Variants in L3MBTL4 observed in about 807,000 individuals in gnomAD.
L3MBTL4 encodes the protein L3MBTL histone methyl-lysine binding protein 4.
L3MBTL4 carries 70 observed loss-of-function variants against 84.5 expected under a neutral mutation model. That is an observed-to-expected ratio of 0.83 (90% CI 0.68 to 1.01). L3MBTL4 has a LOEUF of 1.01. L3MBTL4 is among the 50% of genes least tolerant of loss of function. The pLI, the probability that L3MBTL4 is intolerant of heterozygous loss-of-function variation, is 0.00. For missense variants in L3MBTL4, 715 were observed against 754.8 expected (o/e 0.95, Z 0.62); for synonymous variants, 274 against 259.8 (o/e 1.05, Z -0.52).
chr18:6,129,364 C>CTGTGTGTG (rs2059801473), intron 14 of L3MBTL4, among the ~76,000 whole-genome samples: 2 of 139,158 alleles, frequency 1.4e-5, no homozygotes, highest in Non-Finnish European at 3.1e-5. Flanking sequence ...TACTGGAATT[C>CTGTGTGTG]TCTCTGTGTG....
At chr18:6,132,032 G>T (rs1324280060) in intron 14 of L3MBTL4, among the ~76,000 whole-genome samples, 5 of 151,928 alleles carry the variant, frequency 3.3e-5, no homozygotes, top group Non-Finnish European at 7.4e-5. Flanking sequence ...GCATTTCCTA[G>T]AGCTAACCTA....
intron 1 of L3MBTL4, among the ~76,000 whole-genome samples, chr18:6,318,246 C>T (rs2051210694): frequency 1.3e-5 from 2 of 151,522 alleles, no homozygotes; most frequent in African/African-American, 2.4e-5. Context: ...TGGAACAGTA[C>T]CTCACATCTC....
chr18:6,257,640 TTTTTC>T (rs1457587571), intron 5 of L3MBTL4, among the ~76,000 whole-genome samples: 29 of 149,266 alleles, frequency 1.9e-4, no homozygotes, highest in African/African-American at 6.8e-4. Context: ...TTTCTTTTTC[TTTTTC>T]TTTTTTTTTT....
At chr18:6,393,423 C>T (rs1466794144) in intron 1 of L3MBTL4, among the ~76,000 whole-genome samples, 1 of 152,184 alleles carries the variant, frequency 6.6e-6, no homozygotes, top group Non-Finnish European at 1.5e-5. Context: ...CAGGAATAAG[C>T]TTGAAATGAA....
chr18:6,161,222 T>C (rs895292415), intron 13 of L3MBTL4, among the ~76,000 whole-genome samples: 2 of 152,316 alleles, frequency 1.3e-5, no homozygotes, highest in Admixed American at 6.5e-5. Context: ...TCCTCATGGA[T>C]GAGAAAAGGA....
At chr18:6,297,000 G>A (rs1316376864) in intron 4 of L3MBTL4, among the ~76,000 whole-genome samples, 1 of 152,090 alleles carries the variant, frequency 6.6e-6, no homozygotes, top group South Asian at 2.1e-4. Flanking sequence ...AAGTGAGTTC[G>A]GTTTTAATGT....
intron 12 of L3MBTL4, among the ~76,000 whole-genome samples, chr18:6,185,999 T>TTTATTTTATTTTATTATA (rs1216629091): frequency 7.8e-6 from 1 of 128,500 alleles, no homozygotes; most frequent in African/African-American, 4.0e-5. Context: ...ATTTTATTAT[T>TTTATTTTATTTTATTATA]TTATATTTTA....
At chr18:6,075,488 G>C (rs2057826920) in intron 16 of L3MBTL4, among the ~76,000 whole-genome samples, 1 of 152,070 alleles carries the variant, frequency 6.6e-6, no homozygotes, top group Admixed American at 6.5e-5. Flanking sequence ...CAAAGAAAAA[G>C]TAAATCTTCG....
intron 16 of L3MBTL4, among the ~76,000 whole-genome samples, chr18:6,078,094 T>A: frequency 7.2e-6 from 1 of 139,480 alleles, no homozygotes; most frequent in South Asian, 2.3e-4. Context: ...AGGCACTCAT[T>A]CAAATCTATG....
Position 6,072,881 on chromosome 18 carries a change from AATATATATATATAT to A in L3MBTL4, c.1444+7986_1444+7999del, listed in dbSNP as rs71163258. On this transcript the variant is annotated intron_variant, in intron 16 of 18. Transcript: ENST00000317931. ...ACTCCGTCTCAAAAAAAAAAAAAAA[AATATATATATATAT>A]ATATATATATATATATATATATATA... 7.0e-3 allele frequency among the ~76,000 whole-genome samples: 143 copies of A among 20,410 alleles called. 14 individuals carry two copies. Among genetic ancestry groups the A allele is most frequent in the East Asian group, 0.014 (10 of 692 alleles). The allele number at this position is 20,410 out of a possible 152,430, so 13.4% of individuals were successfully genotyped here. A position where few individuals can be genotyped will look rare whatever the true frequency, so the allele number is the denominator to read the frequency against.
At chr18:6,280,523 T>C (rs1599463127) in intron 4 of L3MBTL4, among the ~76,000 whole-genome samples, 1 of 152,208 alleles carries the variant, frequency 6.6e-6, no homozygotes, top group South Asian at 2.1e-4. Flanking sequence ...GTAATTCCCA[T>C]TTCCTTCAAG....
intron 6 of L3MBTL4, 43 bp downstream of exon 6, chr18:6,244,441 T>C (rs1181121159): frequency 2.5e-6 from 3 of 1,200,534 alleles, no homozygotes; most frequent in Non-Finnish European, 2.4e-6. Flanking sequence ...ATTATCTTTC[T>C]GTCACTAGGC....
chr18:6,025,306 C>T (rs985304802), intron 16 of L3MBTL4: 2 of 152,230 alleles, frequency 1.3e-5, no homozygotes, highest in African/African-American at 4.8e-5. Context: ...TCACCTCTGC[C>T]TCTCCTTTGA....
At chr18:6,037,567 C>A (rs1269805773) in intron 16 of L3MBTL4, among the ~76,000 whole-genome samples, 1 of 152,228 alleles carries the variant, frequency 6.6e-6, no homozygotes, top group Non-Finnish European at 1.5e-5. Flanking sequence ...GAAATTTGTG[C>A]AGGGCACTTC....
At chr18:6,126,638 A>G (rs564121588) in intron 14 of L3MBTL4, among the ~76,000 whole-genome samples, 75 of 71,980 alleles carry the variant, frequency 1.0e-3, no homozygotes, top group African/African-American at 4.6e-3. Flanking sequence ...AGAATTTAGA[A>G]AAAAAAATCA....
In L3MBTL4 at chr18:6,410,499, A is replaced by T. The variant is rs148433679; in HGVS notation, c.-91+4302T>A. On this transcript the variant is annotated intron_variant, in intron 1 of 18. Transcript: ENST00000317931. The stretch of plus-strand genomic sequence containing the variant: ...ATGCCTCACCCCTAAGTTCCTTAAT[A>T]CACTCAAAAAAAAAATAAAGGACTG... Among the ~76,000 whole-genome samples the T allele has an allele frequency of 4.9e-3, 739 of 150,564 alleles. 9 individuals are homozygous for T. The highest frequency in any genetic ancestry group is 0.016 in the African/African-American group (658 of 39,928).
At chr18:6,206,741 G>A (rs983587272) in intron 12 of L3MBTL4, among the ~76,000 whole-genome samples, 1 of 151,978 alleles carries the variant, frequency 6.6e-6, no homozygotes, top group African/African-American at 2.4e-5. Context: ...ACTGATAGGA[G>A]AAAAAAATAT....
At chr18:6,070,981 A>T (rs2057571954) in intron 16 of L3MBTL4, among the ~76,000 whole-genome samples, 1 of 152,216 alleles carries the variant, frequency 6.6e-6, no homozygotes, top group South Asian at 2.1e-4. Flanking sequence ...AAATAAATAA[A>T]CAACAAGCTA....
At chr18:5,996,883 C>T (rs567952310) in intron 16 of L3MBTL4, among the ~76,000 whole-genome samples, 1 of 152,126 alleles carries the variant, frequency 6.6e-6, no homozygotes, top group East Asian at 1.9e-4. Context: ...CTAAAACCAC[C>T]AATATCAAAA....
Sources: gnomAD v4.1 joint callset for allele counts (sites outside exome capture counted in the v4.1 genomes callset) on GRCh38, gnomAD v4.1.1 for gene constraint, MANE v1.5 for transcripts, NCBI Gene and HGNC (gene_info 2026-07-23, HGNC 2026-07-21) for gene names.